RNF170: variants seen among roughly 807,000 people sequenced by gnomAD.
RNF170 encodes the protein E3 ubiquitin-protein ligase RNF170.
In RNF170, 12 loss-of-function variants were observed where a neutral mutation model predicts 32.7. The ratio of observed to expected loss-of-function variants is 0.37; its 90% CI spans 0.24 to 0.60. The LOEUF (loss-of-function observed/expected upper bound fraction) is 0.60, where lower values mean the gene tolerates loss of function less well. RNF170 is among the 20% of genes least tolerant of loss of function. RNF170 has a pLI of 0.72. For missense variants in RNF170, 212 were observed against 311.2 expected (o/e 0.68, Z 2.40); for synonymous variants, 91 against 103.6 (o/e 0.88, Z 0.74).
chr8:42,879,169 T>C (rs1805183216), intron 2 of RNF170, among the ~76,000 whole-genome samples: 1 of 152,176 alleles, frequency 6.6e-6, no homozygotes, highest in African/African-American at 2.4e-5. Flanking sequence ...GAGATGAATG[T>C]TTTTTTCATG....
Position 42,853,572 on chromosome 8 carries a change from G to A in RNF170, c.*2587C>T. 2 of 1,286,746 alleles carry A rather than the reference G, an allele frequency of 1.6e-6. No individual in the cohort carries two copies. Among genetic ancestry groups the A allele is most frequent in the Non-Finnish European group, 2.0e-6 (2 of 988,476 alleles). The allele number at this position is 1,286,746 out of a possible 1,614,324, so 79.7% of individuals were successfully genotyped here. On this transcript the variant is annotated 3_prime_UTR_variant, in exon 7 of 7. Transcript: ENST00000527424. ...CTGCCCAAGTTATTATCTGCTCCTGGGGTTGGACCATCTGTTTTATGACAG... is the reference window on the plus strand; with the variant it reads ...CTGCCCAAGTTATTATCTGCTCCTGAGGTTGGACCATCTGTTTTATGACAG...
In RNF170 at chr8:42,876,561, A is replaced by C. The variant is rs549755415; in HGVS notation, c.138-2555T>G. 9.2e-5 allele frequency among the ~76,000 whole-genome samples: 14 copies of C among 152,086 alleles called. No individual in the cohort carries two copies. In the East Asian group the frequency reaches 1.7e-3, roughly 19 times the overall value. On this transcript the variant is annotated intron_variant, in intron 2 of 6. Transcript: ENST00000527424. ...TTCTCGCTAGACACCAGATCTGACA[A>C]CACCTTGATCTTAAGACCTCCCAGC...
At chr8:42,860,171 T>G (rs1394805898) in intron 6 of RNF170, among the ~76,000 whole-genome samples, 2 of 152,162 alleles carry the variant, frequency 1.3e-5, no homozygotes, top group African/African-American at 4.8e-5. Flanking sequence ...AGCAGTTGGA[T>G]CTACAGAGTC....
At position 42,855,210 on chromosome 8, in the gene RNF170, G is replaced by A; in HGVS notation, c.*949C>T. The A allele has an allele frequency of 7.8e-7, 1 of 1,284,068 alleles. No homozygotes were observed. Among genetic ancestry groups the A allele is most frequent in the African/African-American group, 1.5e-5 (1 of 65,638 alleles). The allele number at this position is 1,284,068 out of a possible 1,614,324, so 79.5% of individuals were successfully genotyped here. ...ACTGTGAACATCAAGTGTGCTGACT[G>A]GAGATAAATGTTTTTCATCTTTTTT... On this transcript the variant is annotated 3_prime_UTR_variant, in exon 7 of 7. Transcript: ENST00000527424.
chr8:42,875,334 T>C (rs560699270), intron 2 of RNF170, among the ~76,000 whole-genome samples: 105 of 152,346 alleles, frequency 6.9e-4, no homozygotes, highest in Non-Finnish European at 1.8e-4. Context: ...CCATGGTTAC[T>C]CTACAGAGAG....
chr8:42,885,749 A>G (rs1805764913), intron 2 of RNF170, among the ~76,000 whole-genome samples: 1 of 151,766 alleles, frequency 6.6e-6, no homozygotes, highest in Admixed American at 6.6e-5. Context: ...TCCTTTGTGT[A>G]TTTTTATTTT....
chr8:42,865,043 G>A (rs1018171756), intron 5 of RNF170, among the ~76,000 whole-genome samples: 3 of 151,470 alleles, frequency 2.0e-5, no homozygotes, highest in African/African-American at 4.9e-5. Flanking sequence ...GATTGCTTGC[G>A]TTCAGGAGTT....
downstream of RNF170, among the ~76,000 whole-genome samples, chr8:42,852,715 G>A (rs1369300027): frequency 6.6e-6 from 1 of 152,058 alleles, no homozygotes; most frequent in East Asian, 1.9e-4. Context: ...GCGTCCAGCA[G>A]AATTTCATAT....
At chr8:42,876,143 G>A (rs995465908) in intron 2 of RNF170, among the ~76,000 whole-genome samples, 2 of 151,674 alleles carry the variant, frequency 1.3e-5, no homozygotes, top group Admixed American at 6.6e-5. Context: ...CCACGTGACT[G>A]GAAAGCCTCT....
intron 2 of RNF170, among the ~76,000 whole-genome samples, chr8:42,875,720 G>A (rs1804873414): frequency 6.6e-6 from 1 of 152,080 alleles, no homozygotes. Context: ...GGGATTATGG[G>A]CACGTGCCAC....
At chr8:42,850,830 C>CG (rs1026340463), downstream of RNF170, 15 of 1,551,414 alleles carry the variant, frequency 9.7e-6, no homozygotes, top group African/African-American at 1.9e-4. Flanking sequence ...AGTCTAGTAA[C>CG]GTGAAGCATA....
At chr8:42,889,930 T>G (rs1266109853) in intron 1 of RNF170, among the ~76,000 whole-genome samples, 1 of 152,174 alleles carries the variant, frequency 6.6e-6, no homozygotes, top group African/African-American at 2.4e-5. Context: ...ACTACTTGCA[T>G]CTGCTCAAAG....
intron 2 of RNF170, among the ~76,000 whole-genome samples, chr8:42,885,380 C>G (rs1029471480): frequency 3.9e-5 from 6 of 152,188 alleles, no homozygotes; most frequent in Admixed American, 1.3e-4. Flanking sequence ...ACAGATAAAT[C>G]TTTTCAACAT....
intron 5 of RNF170, among the ~76,000 whole-genome samples, chr8:42,864,367 C>T (rs1803928627): frequency 6.6e-6 from 1 of 152,042 alleles, no homozygotes; most frequent in South Asian, 2.1e-4. Flanking sequence ...TCCCAAAGTG[C>T]TGGGATTACA....
intron 2 of RNF170, among the ~76,000 whole-genome samples, chr8:42,876,294 T>A (rs1393821808): frequency 6.6e-6 from 1 of 151,738 alleles, no homozygotes; most frequent in East Asian, 1.9e-4. Flanking sequence ...AATTCCTACA[T>A]CTTGTTGTGA....
At chr8:42,863,719 C>T (rs1333349487) in intron 5 of RNF170, among the ~76,000 whole-genome samples, 1 of 152,176 alleles carries the variant, frequency 6.6e-6, no homozygotes, top group Non-Finnish European at 1.5e-5. Context: ...GGATTACAGG[C>T]GTGAGCCATC....
chr8:42,889,245 AAAGG>A (rs1049563631), intron 1 of RNF170: 5 of 152,314 alleles, frequency 3.3e-5, no homozygotes, highest in Admixed American at 3.3e-4. Flanking sequence ...TATGAAGAGA[AAAGG>A]GAGGATAAGA....
At chr8:42,861,164 T>C (rs1393303987) in intron 6 of RNF170, among the ~76,000 whole-genome samples, 1 of 152,248 alleles carries the variant, frequency 6.6e-6, no homozygotes, top group Admixed American at 6.5e-5. Context: ...TAATTTTCTA[T>C]TTCCCTCTAA....
chr8:42,892,680 T>G lies in RNF170; in HGVS notation c.-8+3804A>C, dbSNP rs903057831. ...TTGGAGGCTCTGTTGCAGCGTTTTT[T>G]TTTTTTTTTTTAAACCCTAGATTCA... On this transcript the variant is annotated intron_variant, in intron 1 of 6. Transcript: ENST00000527424. Among the ~76,000 whole-genome samples the G allele has an allele frequency of 4.6e-5, 7 of 151,780 alleles. No homozygotes were observed. The South Asian group carries it at 6.2e-4, about 14-fold the overall frequency.
Sources: gnomAD v4.1 joint callset for allele counts (sites outside exome capture counted in the v4.1 genomes callset) on GRCh38, gnomAD v4.1.1 for gene constraint, MANE v1.5 for transcripts, NCBI Gene and HGNC (gene_info 2026-07-23, HGNC 2026-07-21) for gene names.